The following CACNA1H variants were observed in gnomAD, a reference collection of about 807,000 sequenced individuals.
The protein encoded by CACNA1H is calcium voltage-gated channel subunit alpha1 H, also known as voltage-dependent T-type calcium channel subunit alpha-1H.
In CACNA1H, 149 loss-of-function variants were observed where a neutral mutation model predicts 192.5. The ratio of observed to expected loss-of-function variants is 0.77; its 90% CI spans 0.68 to 0.89. The LOEUF is 0.89. Ranked by LOEUF, CACNA1H falls within the 40% of genes least tolerant of loss-of-function variation. The pLI is 0.00. For synonymous variants in CACNA1H, 2,202 were observed against 1,475.2 expected, an observed-to-expected ratio of 1.49 and a Z score of -11.29; for missense variants, 4,257 against 3,423.5, an observed-to-expected ratio of 1.24 and a Z score of -6.08.
intron 2 of CACNA1H, among the ~76,000 whole-genome samples, chr16:1,162,488 C>T (rs1050402668): frequency 4.6e-5 from 7 of 152,190 alleles, no homozygotes; most frequent in African/African-American, 7.2e-5. Context: ...CAGGCTCCTC[C>T]GATGAGGAGC....
intron 2 of CACNA1H, among the ~76,000 whole-genome samples, chr16:1,185,323 G>T (rs1336548858): frequency 6.6e-6 from 1 of 152,144 alleles, no homozygotes; most frequent in Non-Finnish European, 1.5e-5. Context: ...GTGTGGGCCC[G>T]TCTGTCGTGA....
rs1287243738 is a variant in CACNA1H at position 1,221,127 on chromosome 16, G to A, written c.*133G>A. On this transcript the variant is annotated 3_prime_UTR_variant, in exon 35 of 35. Transcript: ENST00000348261. ...AGCAGAAAGGCCCGGGGAGGATGAC[G>A]GCCCAGGCCCTGGTTCTCTGCCCAG... 1.8e-5 allele frequency: 12 copies of A among 666,906 alleles called. No homozygotes were observed. Among genetic ancestry groups the A allele is most frequent in the East Asian group, 1.4e-4 (5 of 36,018 alleles). The allele number at this position is 666,906 out of a possible 1,614,324, so 41.3% of individuals were successfully genotyped here. A position where few individuals can be genotyped will look rare whatever the true frequency, so the allele number is the denominator to read the frequency against.
chr16:1,195,630 C>T, intron 4 of CACNA1H, 65 bp downstream of exon 4: 8 of 1,526,320 alleles, frequency 5.2e-6, no homozygotes, highest in South Asian at 3.6e-5. Context: ...ACAGGGATCC[C>T]TGTGTCCCAC....
Position 1,180,377 on chromosome 16 carries a change from TGAG to T in CACNA1H, c.300-14590_300-14588del, listed in dbSNP as rs1397723509. Among the ~76,000 whole-genome samples, 3 of 151,062 alleles carry T rather than the reference TGAG, an allele frequency of 2.0e-5. No homozygotes were observed. The highest frequency in any genetic ancestry group is 3.0e-5 in the Non-Finnish European group (2 of 67,734). On this transcript the variant is annotated intron_variant, in intron 2 of 34. Coordinates refer to ENST00000348261, the MANE Select transcript of CACNA1H (RefSeq NM_021098.3). The surrounding 1 kb of genome is among the most constrained non-coding windows in gnomAD (Gnocchi z 4.4). ...TGGGGGCAGAGCAGGGCAGGCTGGG[TGAG>T]GAGGGGGCACCCCAGGTGTCTGAAC... is the stretch of plus-strand genomic sequence containing the variant.
At chr16:1,206,571 G>T (rs1017533958) in intron 12 of CACNA1H, 7 of 494,702 alleles carry the variant, frequency 1.4e-5, no homozygotes, top group African/African-American at 1.2e-4. Context: ...GGGGGTGGGG[G>T]CAGGCACCAG....
At chr16:1,174,876 G>A (rs998952998) in intron 2 of CACNA1H, among the ~76,000 whole-genome samples, 8 of 152,148 alleles carry the variant, frequency 5.3e-5, no homozygotes, top group African/African-American at 1.2e-4. Context: ...GCCAGCTGGC[G>A]GTGGGCAGGC....
rs371991860 is a variant in CACNA1H, at chr16:1,201,639, C to T, written c.1213-24C>T. ...TCAGAGACTCGCTCACTCACTGCCA[C>T]TTACCCGCCCGCCCCCGTCACAGGT... On this transcript the variant is annotated intron_variant, in intron 8 of 34. Transcript: ENST00000348261. 9.1e-6 allele frequency: 14 copies of T among 1,544,362 alleles called. No homozygotes were observed. In the African/African-American group the frequency reaches 1.8e-4, roughly 20 times the overall value.
In CACNA1H at chr16:1,207,996, C is replaced by T. The variant is rs778234391; in HGVS notation, c.3155-17C>T. 34 of 1,589,700 alleles carry T rather than the reference C, an allele frequency of 2.1e-5. No homozygotes were observed. The highest frequency in any genetic ancestry group is 2.5e-5 in the Non-Finnish European group (29 of 1,168,566). On this transcript the variant is annotated splice_polypyrimidine_tract_variant and intron_variant, in intron 15 of 34. Transcript: ENST00000348261. The stretch of plus-strand genomic sequence containing the variant: ...GCCTGGCAGCTCTAGGGGCCCATTC[C>T]TCCCTCTGTCCCGCAGAGCTGAAGA...
chr16:1,156,392 C>T (rs992508023), intron 2 of CACNA1H, among the ~76,000 whole-genome samples: 1 of 152,190 alleles, frequency 6.6e-6, no homozygotes, highest in Non-Finnish European at 1.5e-5. Flanking sequence ...TGTGTCCTGG[C>T]GTCAGAGAGA....
At position 1,220,277 on chromosome 16, in the gene CACNA1H, C is replaced by A. The variant is rs529859576; in HGVS notation, c.6345C>A (p.Ala2115=). The A allele has an allele frequency of 1.1e-5, 17 of 1,586,256 alleles. No homozygotes were observed. The highest frequency in any genetic ancestry group is 3.4e-5 in the Admixed American group (2 of 58,498). ...TSSACPWQPT[A]EPHGPEASPV... ...CCGCCTGCCCCTGGCAGCCCACAGC[C>A]GAGCCCCATGGCCCCGAAGCCTCTC... The change falls in exon 35 of 35, where the codon GCC becomes GCA. Residue 2115 remains alanine, a synonymous_variant. Coordinates refer to ENST00000348261, the MANE Select transcript of CACNA1H (RefSeq NM_021098.3).
At chr16:1,156,622 C>A (rs1000021032) in intron 2 of CACNA1H, among the ~76,000 whole-genome samples, 1 of 152,146 alleles carries the variant, frequency 6.6e-6, no homozygotes, top group East Asian at 1.9e-4. Context: ...CCTCCCTCCG[C>A]AGGGCCCCGC....
At chr16:1,207,933 A>AAGGC in intron 15 of CACNA1H, 73 bp downstream of exon 15, 1 of 1,540,200 alleles carries the variant, frequency 6.5e-7, no homozygotes, top group African/African-American at 1.4e-5. Context: ...GGGCCCCCAT[A>AAGGC]AGGCAATCCC....
rs1335897122 is a variant in CACNA1H, at chr16:1,220,104, C to G, written c.6172C>G (p.Pro2058Ala). The stretch of plus-strand genomic sequence containing the variant: ...GACCCAGGGGGGCTCCCTGCAGTCC[C>G]CACCACGCTCCCCACGGCCCGCCAG... ...PVTQGGSLQS[P>A]PRSPRPASVR... The change falls in exon 35 of 35, where the codon CCA (proline) becomes GCA (alanine). Residue 2058 changes from proline (P) to alanine (A), a missense_variant. Coordinates refer to ENST00000348261, the MANE Select transcript of CACNA1H (RefSeq NM_021098.3). 6.7e-7 allele frequency: 1 copy of G among 1,487,016 alleles called. No homozygotes were observed. Among genetic ancestry groups the G allele is most frequent in the Non-Finnish European group, 8.9e-7 (1 of 1,121,002 alleles). The allele number at this position is 1,487,016 out of a possible 1,614,324, so 92.1% of individuals were successfully genotyped here. A position where few individuals can be genotyped will look rare whatever the true frequency, so the allele number is the denominator to read the frequency against.
At chr16:1,176,459 G>A (rs1382647288) in intron 2 of CACNA1H, among the ~76,000 whole-genome samples, 5 of 152,224 alleles carry the variant, frequency 3.3e-5, no homozygotes, top group Admixed American at 6.5e-5. Context: ...CCCAGCTGCC[G>A]TCTCTTTCTG....
intron 2 of CACNA1H, among the ~76,000 whole-genome samples, chr16:1,172,434 C>G (rs943373858): frequency 6.6e-6 from 1 of 152,244 alleles, no homozygotes; most frequent in African/African-American, 2.4e-5. Context: ...CGCGGCTGCC[C>G]TCACCCTGCC....
At chr16:1,210,717 C>T (rs574327589) in intron 20 of CACNA1H, 66 bp downstream of exon 20, 9 of 1,576,134 alleles carry the variant, frequency 5.7e-6, no homozygotes, top group African/African-American at 1.3e-5. Context: ...CCCACCCCCA[C>T]CCAGCAGCGC....
chr16:1,172,646 C>T (rs376723641), intron 2 of CACNA1H, among the ~76,000 whole-genome samples: 4 of 152,328 alleles, frequency 2.6e-5, no homozygotes, highest in East Asian at 1.9e-4. Context: ...TTAAAGCAGC[C>T]GCTTTCCCAT....
rs1970258674 is a variant in CACNA1H, at chr16:1,218,960, C to T, written c.5888-10C>T. 6.5e-7 allele frequency: 1 copy of T among 1,549,608 alleles called. No individual in the cohort carries two copies. Among genetic ancestry groups the T allele is most frequent in the Admixed American group, 2.0e-5 (1 of 50,968 alleles). The stretch of plus-strand genomic sequence containing the variant: ...GCAGAGCTGCCAGCTTAGATTCTTC[C>T]CTGCCCCAGGCTCCGTTGCCTCTGT... On this transcript the variant is annotated splice_polypyrimidine_tract_variant and intron_variant, in intron 33 of 34. Transcript: ENST00000348261.
chr16:1,218,332 G>C lies in CACNA1H; in HGVS notation c.5568G>C (p.Val1856=), dbSNP rs532162942. ...AGTTCGTGCTGGTGAACGTGGTGGT[G>C]GCCGTGCTCATGAAGCACCTGGAGG... is the stretch of plus-strand genomic sequence containing the variant. The part of the protein sequence containing the change: ...VAQFVLVNVV[V]AVLMKHLEES... Residue 1856 remains valine (V), a synonymous_variant, in exon 33 of 35, where the codon GTG becomes GTC. Coordinates refer to ENST00000348261, the MANE Select transcript of CACNA1H (RefSeq NM_021098.3). 6.4e-7 allele frequency: 1 copy of C among 1,560,198 alleles called. No individual in the cohort carries two copies. Among genetic ancestry groups the C allele is most frequent in the African/African-American group, 1.4e-5 (1 of 73,542 alleles).
Sources: gnomAD v4.1 joint callset for allele counts (sites outside exome capture counted in the v4.1 genomes callset) on GRCh38, gnomAD v4.1.1 for gene constraint, Gnocchi (gnomAD v3.1) non-coding constraint, MANE v1.5 for transcripts, NCBI Gene and HGNC (gene_info 2026-07-23, HGNC 2026-07-21) for gene names.